The following TMEM45B variants were observed in gnomAD, a reference collection of about 807,000 sequenced individuals.
TMEM45B encodes the protein transmembrane protein 45B.
TMEM45B carries 29 observed loss-of-function variants against 27.3 expected under a neutral mutation model. The ratio of observed to expected loss-of-function variants is 1.06; its 90% confidence interval spans 0.79 to 1.45. TMEM45B has a LOEUF of 1.45. Among genes scored for constraint, TMEM45B ranks in the 40% most tolerant of loss-of-function variants. The pLI is 0.00. For missense variants in TMEM45B, 348 were observed against 343.9 expected (o/e 1.01, Z -0.09); for synonymous variants, 143 against 134.7 (o/e 1.06, Z -0.43).
intron 1 of TMEM45B, among the ~76,000 whole-genome samples, chr11:129,836,852 G>C (rs1947625969): frequency 6.6e-6 from 1 of 152,198 alleles, no homozygotes; most frequent in Non-Finnish European, 1.5e-5. Flanking sequence ...GGACTCAGTG[G>C]TGATTCATGC....
chr11:129,831,235 C>T (rs541803016), intron 1 of TMEM45B, among the ~76,000 whole-genome samples: 3 of 152,188 alleles, frequency 2.0e-5, no homozygotes, highest in Admixed American at 1.3e-4. Context: ...TTTTTTCTTT[C>T]GTTATTAAGA....
At chr11:129,857,706 T>G (rs557510791) in intron 5 of TMEM45B, among the ~76,000 whole-genome samples, 1 of 152,268 alleles carries the variant, frequency 6.6e-6, no homozygotes, top group East Asian at 1.9e-4. Context: ...TCTCACAGAT[T>G]TTAAGCCTAT....
At chr11:129,850,878 A>G (rs71481895) in intron 1 of TMEM45B, among the ~76,000 whole-genome samples, 76 of 152,204 alleles carry the variant, frequency 5.0e-4, no homozygotes, top group Middle Eastern at 3.4e-3. Flanking sequence ...CACTCACTTC[A>G]AAGCTGTTCC....
At chr11:129,845,271 A>ATGTGTGTGTG (rs10537485) in intron 1 of TMEM45B, among the ~76,000 whole-genome samples, 10 of 140,336 alleles carry the variant, frequency 7.1e-5, no homozygotes, top group African/African-American at 2.8e-4. Context: ...GTGTGTGTGT[A>ATGTGTGTGTG]TGTGTGTGTG....
intron 1 of TMEM45B, among the ~76,000 whole-genome samples, chr11:129,818,355 A>G (rs1378696234): frequency 6.6e-6 from 1 of 152,194 alleles, no homozygotes; most frequent in Non-Finnish European, 1.5e-5. Flanking sequence ...CAAGGTACAC[A>G]CCCGCATTCT....
chr11:129,841,757 C>T lies in TMEM45B; in HGVS notation c.-8-10718C>T, dbSNP rs537072864. ...GATTACAGGCACCCACTACCACGCC[C>T]GGCTAATTTTTTGTATTTTTAGTAG... On this transcript the variant is annotated intron_variant, in intron 1 of 5. Coordinates refer to ENST00000281441, the MANE Select transcript of TMEM45B (RefSeq NM_138788.5). Among the ~76,000 whole-genome samples, 50 of 151,858 alleles carry T rather than the reference C, an allele frequency of 3.3e-4. No individual in the cohort carries two copies. In the South Asian group the frequency reaches 5.6e-3, roughly 17 times the overall value.
intron 1 of TMEM45B, chr11:129,828,244 G>A (rs995725102): frequency 6.6e-6 from 1 of 152,180 alleles, no homozygotes; most frequent in Non-Finnish European, 1.5e-5. Flanking sequence ...GAACCAAAAC[G>A]AGCTGGGAGG....
At chr11:129,837,314 C>G (rs1947632572) in intron 1 of TMEM45B, among the ~76,000 whole-genome samples, 1 of 151,680 alleles carries the variant, frequency 6.6e-6, no homozygotes, top group African/African-American at 2.4e-5. Flanking sequence ...GAGACGGAGT[C>G]TTGCTCTGTC....
At chr11:129,827,371 A>G (rs1441636047) in intron 1 of TMEM45B, among the ~76,000 whole-genome samples, 1 of 152,222 alleles carries the variant, frequency 6.6e-6, no homozygotes, top group Non-Finnish European at 1.5e-5. Flanking sequence ...CAGATGCTGA[A>G]GGGAGTCTGT....
chr11:129,842,012 T>C (rs1338759534), intron 1 of TMEM45B, among the ~76,000 whole-genome samples: 1 of 152,160 alleles, frequency 6.6e-6, no homozygotes, highest in African/African-American at 2.4e-5. Context: ...TAAATGGAAA[T>C]TCTGGAGTTG....
chr11:129,828,092 C>T (rs7112536), intron 1 of TMEM45B: 2 of 152,276 alleles, frequency 1.3e-5, no homozygotes, highest in African/African-American at 4.8e-5. Flanking sequence ...AGATTATAAA[C>T]TCCTTGCAGA....
intron 1 of TMEM45B, among the ~76,000 whole-genome samples, chr11:129,832,179 G>C (rs1263711805): frequency 1.3e-5 from 2 of 151,196 alleles, no homozygotes; most frequent in African/African-American, 4.9e-5. Context: ...GACCATCCTA[G>C]CTAACACGGT....
chr11:129,837,119 C>T (rs1947630061), intron 1 of TMEM45B, among the ~76,000 whole-genome samples: 1 of 151,950 alleles, frequency 6.6e-6, no homozygotes, highest in Admixed American at 6.6e-5. Context: ...GCCCTTTAGT[C>T]CTGAAGGGAG....
intron 1 of TMEM45B, chr11:129,850,590 AACG>A (rs1237858867): frequency 6.6e-6 from 1 of 152,224 alleles, no homozygotes; most frequent in Non-Finnish European, 1.5e-5. Flanking sequence ...AGTCCTAGGA[AACG>A]ACATAATTCA....
At chr11:129,843,576 G>T (rs375868264) in intron 1 of TMEM45B, among the ~76,000 whole-genome samples, 1 of 147,542 alleles carries the variant, frequency 6.8e-6, no homozygotes, top group Non-Finnish European at 1.5e-5. Context: ...TGTAGTCAAA[G>T]AATGTAGGCA....
chr11:129,838,963 C>A (rs997143523), intron 1 of TMEM45B, among the ~76,000 whole-genome samples: 16 of 152,186 alleles, frequency 1.1e-4, no homozygotes, highest in African/African-American at 3.9e-4. Flanking sequence ...ATGGCATCAA[C>A]CATAATTTCT....
chr11:129,854,922 C>A, intron 3 of TMEM45B, 106 bp downstream of exon 3: 2 of 1,348,106 alleles, frequency 1.5e-6, no homozygotes, highest in Admixed American at 2.0e-5. Context: ...TAACCTCCCC[C>A]AGAAAATCCA....
chr11:129,824,852 T>C (rs1446252463), intron 1 of TMEM45B, among the ~76,000 whole-genome samples: 3 of 152,170 alleles, frequency 2.0e-5, no homozygotes, highest in Non-Finnish European at 2.9e-5. Flanking sequence ...TCACAGAGGC[T>C]TCCTGGAGGA....
Position 129,837,036 on chromosome 11 carries a change from G to A in TMEM45B, c.-8-15439G>A, listed in dbSNP as rs1336550732. Among the ~76,000 whole-genome samples, 6 of 152,346 alleles carry A rather than the reference G, an allele frequency of 3.9e-5. No individual in the cohort carries two copies. The East Asian group carries it at 9.7e-4, about 25-fold the overall frequency. ...ATGTGCAGGACGGCCCCACAACCAAGACCCCTGTGGCCCAGAGTCTCAGCA... is the reference window on the plus strand; with the variant it reads ...ATGTGCAGGACGGCCCCACAACCAAAACCCCTGTGGCCCAGAGTCTCAGCA... On this transcript the variant is annotated intron_variant, in intron 1 of 5. Coordinates refer to ENST00000281441, the MANE Select transcript of TMEM45B (RefSeq NM_138788.5).
Sources: gnomAD v4.1 joint callset for allele counts (sites outside exome capture counted in the v4.1 genomes callset) on GRCh38, gnomAD v4.1.1 for gene constraint, MANE v1.5 for transcripts, NCBI Gene and HGNC (gene_info 2026-07-23, HGNC 2026-07-21) for gene names.